The following ADK variants were observed in gnomAD, a reference collection of about 807,000 sequenced individuals.
ADK encodes the protein adenosine kinase.
ADK carries 24 observed loss-of-function variants against 44.7 expected under a neutral mutation model. The ratio of observed to expected loss-of-function variants is 0.54; its 90% CI spans 0.39 to 0.76. The LOEUF is 0.76. ADK is among the 30% of genes least tolerant of loss of function. The probability of loss-of-function intolerance (pLI) is 0.00; values close to 1 mark genes in which losing one functional copy is unlikely to be tolerated. For missense variants in ADK, 321 were observed against 425.1 expected (o/e 0.76, Z 2.15); for synonymous variants, 128 against 142.6 (o/e 0.90, Z 0.73).
intron 2 of ADK, among the ~76,000 whole-genome samples, chr10:74,211,915 A>G (rs1195016431): frequency 2.0e-5 from 3 of 152,164 alleles, no homozygotes; most frequent in Admixed American, 6.5e-5. Context: ...TTTTTCTACA[A>G]CATATTCTAG....
chr10:74,383,135 A>C (rs1157497298), intron 4 of ADK, among the ~76,000 whole-genome samples: 1 of 152,132 alleles, frequency 6.6e-6, no homozygotes, highest in Non-Finnish European at 1.5e-5. Context: ...CAACAGTAAT[A>C]ATAATAATAA....
intron 7 of ADK, among the ~76,000 whole-genome samples, chr10:74,555,308 T>C (rs2133798281): frequency 6.6e-6 from 1 of 152,292 alleles, no homozygotes; most frequent in Non-Finnish European, 1.5e-5. Flanking sequence ...CTGGTCTTTC[T>C]TTTTCTATAT....
chr10:74,397,224 C>T (rs535578313), intron 5 of ADK, among the ~76,000 whole-genome samples: 1 of 151,312 alleles, frequency 6.6e-6, no homozygotes, highest in South Asian at 2.1e-4. Context: ...CCTTCATTTA[C>T]TTGAACATAA....
chr10:74,171,530 C>T (rs1162055303), intron 1 of ADK, among the ~76,000 whole-genome samples: 1 of 152,076 alleles, frequency 6.6e-6, no homozygotes, highest in African/African-American at 2.4e-5. Flanking sequence ...TTTATAGGGC[C>T]AGACCACAAG....
At chr10:74,216,304 A>G (rs1279051796) in intron 2 of ADK, among the ~76,000 whole-genome samples, 1 of 152,200 alleles carries the variant, frequency 6.6e-6, no homozygotes, top group African/African-American at 2.4e-5. Context: ...TAATTAGCAC[A>G]CGGTAAAATA....
chr10:74,694,674 G>A (rs1856111778), intron 10 of ADK, among the ~76,000 whole-genome samples: 1 of 151,876 alleles, frequency 6.6e-6, no homozygotes, highest in South Asian at 2.1e-4. Context: ...TAGATACAGG[G>A]TCTTGCTGTG....
chr10:74,307,861 G>T (rs1017796439), intron 3 of ADK, among the ~76,000 whole-genome samples: 2 of 152,228 alleles, frequency 1.3e-5, no homozygotes, highest in Middle Eastern at 3.4e-3. Context: ...AGTACCTGCC[G>T]GTGGACTTGG....
chr10:74,178,142 A>T (rs1006676907), intron 1 of ADK, among the ~76,000 whole-genome samples: 2 of 151,956 alleles, frequency 1.3e-5, no homozygotes, highest in Non-Finnish European at 2.9e-5. Context: ...GGGTTTCACC[A>T]TATTGGCCAG....
At chr10:74,448,581 C>T (rs1348013819) in intron 6 of ADK, among the ~76,000 whole-genome samples, 1 of 152,060 alleles carries the variant, frequency 6.6e-6, no homozygotes. Flanking sequence ...GTGACTTTTA[C>T]ATTAAGCCAT....
intron 9 of ADK, among the ~76,000 whole-genome samples, chr10:74,650,353 G>A (rs1854214824): frequency 6.6e-6 from 1 of 152,046 alleles, no homozygotes; most frequent in African/African-American, 2.4e-5. Context: ...CCAGGAGGTG[G>A]AGGCTGCCAA....
At chr10:74,444,604 T>C (rs1845532749) in intron 6 of ADK, among the ~76,000 whole-genome samples, 1 of 152,112 alleles carries the variant, frequency 6.6e-6, no homozygotes, top group African/African-American at 2.4e-5. Flanking sequence ...CTAAGGCAGC[T>C]TCTCTCTGAC....
At chr10:74,430,315 C>T (rs1001720346) in intron 6 of ADK, among the ~76,000 whole-genome samples, 5 of 152,176 alleles carry the variant, frequency 3.3e-5, no homozygotes, top group Admixed American at 6.5e-5. Context: ...AGTCAAGGCT[C>T]CAAATATATC....
At chr10:74,574,662 GA>G (rs1181673883) in intron 7 of ADK, among the ~76,000 whole-genome samples, 1 of 152,144 alleles carries the variant, frequency 6.6e-6, no homozygotes, top group East Asian at 1.9e-4. Context: ...TATTGGAAAT[GA>G]AACAATACCA....
chr10:74,423,062 G>A (rs1844623142), intron 6 of ADK, among the ~76,000 whole-genome samples: 2 of 152,226 alleles, frequency 1.3e-5, no homozygotes, highest in South Asian at 2.1e-4. Flanking sequence ...TCCGCAAGAG[G>A]GAAAGAAAGG....
intron 10 of ADK, among the ~76,000 whole-genome samples, chr10:74,697,012 C>T (rs1856233343): frequency 6.6e-6 from 1 of 152,104 alleles, no homozygotes; most frequent in Admixed American, 6.5e-5. Flanking sequence ...AATGTACTAC[C>T]TAGATGTATA....
chr10:74,666,623 C>T (rs978009670), intron 9 of ADK, among the ~76,000 whole-genome samples: 1 of 152,012 alleles, frequency 6.6e-6, no homozygotes, highest in Non-Finnish European at 1.5e-5. Context: ...CTAATTGTTC[C>T]CACAGCTACT....
intron 1 of ADK, among the ~76,000 whole-genome samples, chr10:74,170,581 G>A (rs1341871294): frequency 6.6e-6 from 1 of 151,886 alleles, no homozygotes; most frequent in Non-Finnish European, 1.5e-5. Flanking sequence ...GGCGGATCAC[G>A]AGGTCAGGAG....
chr10:74,311,875 C>T (rs1296374509), intron 3 of ADK, among the ~76,000 whole-genome samples: 1 of 152,016 alleles, frequency 6.6e-6, no homozygotes, highest in Admixed American at 6.6e-5. Flanking sequence ...TGTTAAAATC[C>T]TAACAAGTTG....
At chr10:74,568,028 A>G (rs1850754543) in intron 7 of ADK, among the ~76,000 whole-genome samples, 1 of 152,056 alleles carries the variant, frequency 6.6e-6, no homozygotes, top group Non-Finnish European at 1.5e-5. Context: ...TTCCAATTAC[A>G]GTGTAGTACA....
Sources: allele counts gnomAD v4.1 joint callset (sites outside exome capture counted in the v4.1 genomes callset), GRCh38; gene constraint gnomAD v4.1.1; transcripts MANE v1.5; gene names NCBI Gene and HGNC (gene_info 2026-07-23, HGNC 2026-07-21).